The following ZNF385D variants were observed in gnomAD, a reference collection of about 807,000 sequenced individuals.
ZNF385D encodes the protein zinc finger protein 385D.
In ZNF385D, 15 loss-of-function variants were observed where a neutral mutation model predicts 35.8. The ratio of observed to expected loss-of-function variants is 0.42; its 90% CI spans 0.28 to 0.64. ZNF385D has a LOEUF of 0.64. ZNF385D is among the 30% of genes least tolerant of loss of function. The pLI is 0.23. For synonymous variants in ZNF385D, 212 were observed against 186.8 expected (o/e 1.13, Z -1.10); for missense variants, 474 against 494.6 (o/e 0.96, Z 0.39).
intron 2 of ZNF385D, among the ~76,000 whole-genome samples, chr3:22,239,499 C>T (rs953443084): frequency 1.3e-5 from 2 of 149,172 alleles, no homozygotes; most frequent in East Asian, 3.9e-4. Context: ...TTGCTGATAA[C>T]ACATACTACC....
intron 3 of ZNF385D, among the ~76,000 whole-genome samples, chr3:21,522,891 A>C (rs1385865214): frequency 6.6e-6 from 1 of 152,216 alleles, no homozygotes; most frequent in African/African-American, 2.4e-5. Context: ...TCTAATCCAA[A>C]GAGTTTAGTG....
chr3:21,507,295 AT>A (rs1400435522), intron 4 of ZNF385D, among the ~76,000 whole-genome samples: 2 of 152,080 alleles, frequency 1.3e-5, no homozygotes, highest in Non-Finnish European at 2.9e-5. Flanking sequence ...AGGGGTTCTC[AT>A]TTACCAAAGT....
intron 1 of ZNF385D, among the ~76,000 whole-genome samples, chr3:21,666,266 G>C (rs1184229115): frequency 6.6e-6 from 1 of 152,106 alleles, no homozygotes; most frequent in African/African-American, 2.4e-5. Flanking sequence ...ATGGAGCCAC[G>C]GAGGATCTGC....
At chr3:21,609,586 T>C (rs6550613) in intron 2 of ZNF385D, among the ~76,000 whole-genome samples, 92,180 of 152,032 alleles carry the variant, frequency 0.61, 29,129 homozygotes, top group African/African-American at 0.78. Context: ...AGGTCCACCC[T>C]TCCCCACTAG....
At chr3:22,040,834 G>A (rs1159327132) in intron 3 of ZNF385D, among the ~76,000 whole-genome samples, 1 of 152,218 alleles carries the variant, frequency 6.6e-6, no homozygotes, top group South Asian at 2.1e-4. Context: ...AAATACAAAG[G>A]CAATAAATAT....
intron 4 of ZNF385D, among the ~76,000 whole-genome samples, chr3:21,498,282 G>C (rs1706072005): frequency 6.6e-6 from 1 of 152,048 alleles, no homozygotes; most frequent in Non-Finnish European, 1.5e-5. Flanking sequence ...AGATAACCTA[G>C]GAAATACCAT....
intron 1 of ZNF385D, among the ~76,000 whole-genome samples, chr3:21,711,332 C>G (rs912576336): frequency 6.6e-6 from 1 of 151,994 alleles, no homozygotes; most frequent in African/African-American, 2.4e-5. Context: ...TGAGCCACCG[C>G]GCCCGGCCGC....
At chr3:22,335,389 A>G (rs905625901) in intron 2 of ZNF385D, among the ~76,000 whole-genome samples, 1 of 152,176 alleles carries the variant, frequency 6.6e-6, no homozygotes, top group Non-Finnish European at 1.5e-5. Flanking sequence ...TTGCTTTTTT[A>G]TTAAAGCATT....
In ZNF385D at chr3:21,896,217, T is replaced by G. The variant is rs7622044; in HGVS notation, c.326-231189A>C. Reference sequence around the variant, plus strand: ...GAAGCTTGGGATGCCTGTAATTACATCACCTGAACAGTTTACATGATAAAC... The same window carrying G: ...GAAGCTTGGGATGCCTGTAATTACAGCACCTGAACAGTTTACATGATAAAC... On this transcript the variant is annotated intron_variant, in intron 3 of 5. Transcript: ENST00000494108. Among the ~76,000 whole-genome samples, 1,037 of 152,262 alleles carry G rather than the reference T, an allele frequency of 6.8e-3. 11 individuals are homozygous for G. Among genetic ancestry groups the G allele is most frequent in the African/African-American group, 0.024 (983 of 41,542 alleles).
chr3:22,091,330 C>T (rs1004897312), intron 3 of ZNF385D, among the ~76,000 whole-genome samples: 4 of 152,264 alleles, frequency 2.6e-5, no homozygotes, highest in Admixed American at 2.0e-4. Context: ...AGCAGCTTTG[C>T]AGACCAGATA....
intron 3 of ZNF385D, among the ~76,000 whole-genome samples, chr3:21,944,103 GT>G (rs1183297812): frequency 6.6e-6 from 1 of 152,122 alleles, no homozygotes; most frequent in Non-Finnish European, 1.5e-5. Context: ...TAAAAGGATA[GT>G]TTTTTAAATG....
chr3:21,433,971 A>T (rs886678247), intron 5 of ZNF385D, among the ~76,000 whole-genome samples: 3 of 152,196 alleles, frequency 2.0e-5, no homozygotes, highest in African/African-American at 7.2e-5. Context: ...CACTAAGGGC[A>T]CGGTTCATGC....
chr3:21,995,657 C>T (rs1315649896), intron 3 of ZNF385D, among the ~76,000 whole-genome samples: 1 of 151,732 alleles, frequency 6.6e-6, no homozygotes, highest in Non-Finnish European at 1.5e-5. Flanking sequence ...CATCCCCATA[C>T]CCCCAAATGG....
intron 1 of ZNF385D, among the ~76,000 whole-genome samples, chr3:21,667,658 G>C (rs538822529): frequency 6.6e-6 from 1 of 152,288 alleles, no homozygotes; most frequent in South Asian, 2.1e-4. Flanking sequence ...ATAATTACAA[G>C]AATGCAATTT....
At chr3:21,989,244 C>G (rs775339226) in intron 3 of ZNF385D, among the ~76,000 whole-genome samples, 1 of 152,184 alleles carries the variant, frequency 6.6e-6, no homozygotes, top group East Asian at 1.9e-4. Context: ...CCTTACATAT[C>G]AAAGCTCAAC....
chr3:21,917,198 G>A lies in ZNF385D; in HGVS notation c.325+251619C>T, dbSNP rs539729769. Among the ~76,000 whole-genome samples, 81 of 152,252 alleles carry A rather than the reference G, an allele frequency of 5.3e-4. 1 individual carries two copies. The South Asian group carries it at 0.016, about 30-fold the overall frequency. On this transcript the variant is annotated intron_variant, in intron 3 of 5. Transcript: ENST00000494108. ...TGTAATCCCACCACTTTGGGAGGCCGAGGTGGACGGATCACTTGAGGTCAG... is the reference window on the plus strand; with the variant it reads ...TGTAATCCCACCACTTTGGGAGGCCAAGGTGGACGGATCACTTGAGGTCAG...
chr3:22,282,191 A>G (rs1399067243), intron 2 of ZNF385D, among the ~76,000 whole-genome samples: 1 of 152,010 alleles, frequency 6.6e-6, no homozygotes, highest in African/African-American at 2.4e-5. Flanking sequence ...TTTTCAAAGA[A>G]TCAGCTTTTT....
chr3:22,127,029 T>C (rs1413434117), intron 3 of ZNF385D, among the ~76,000 whole-genome samples: 3 of 152,122 alleles, frequency 2.0e-5, no homozygotes, highest in South Asian at 2.1e-4. Context: ...GTATGGAATA[T>C]CTTTTTCCAT....
At chr3:22,294,994 C>T (rs1300396053) in intron 2 of ZNF385D, among the ~76,000 whole-genome samples, 4 of 152,056 alleles carry the variant, frequency 2.6e-5, no homozygotes, top group African/African-American at 4.8e-5. Flanking sequence ...TATACACACA[C>T]TCACACACAT....
Sources: allele counts gnomAD v4.1 joint callset (sites outside exome capture counted in the v4.1 genomes callset), GRCh38; gene constraint gnomAD v4.1.1; transcripts MANE v1.5; gene names NCBI Gene and HGNC (gene_info 2026-07-23, HGNC 2026-07-21).